TIMM21: variants seen among roughly 807,000 people sequenced by gnomAD.
The protein encoded by TIMM21 is mitochondrial import inner membrane translocase subunit Tim21.
In TIMM21, 30 loss-of-function variants were observed where a neutral mutation model predicts 27.7. That is an observed-to-expected ratio of 1.08 (90% confidence interval 0.81 to 1.47). The LOEUF is 1.47. TIMM21 is among the 40% of genes most tolerant of loss of function. The probability of loss-of-function intolerance (pLI) is 0.00; values close to 1 mark genes in which losing one functional copy is unlikely to be tolerated. For missense variants in TIMM21, 292 were observed against 302.9 expected (o/e 0.96, Z 0.27); for synonymous variants, 121 against 114.4 (o/e 1.06, Z -0.37).
Position 74,148,570 on chromosome 18 carries a change from G to C in TIMM21, c.-239G>C, listed in dbSNP as rs575993164. On this transcript the variant is annotated 5_prime_UTR_variant, in exon 1 of 6. Coordinates refer to ENST00000169551, the MANE Select transcript of TIMM21 (RefSeq NM_014177.3). ...CGGGGACACTGTGAATGTCAGCCCA[G>C]AAGGTGATCAGAGCCTGTTAATTAA... is the stretch of plus-strand genomic sequence containing the variant. 256 of 424,780 alleles carry C rather than the reference G, an allele frequency of 6.0e-4. 3 individuals carry two copies. The South Asian group carries it at 0.01, about 17-fold the overall frequency. 26.3% of individuals were successfully genotyped at this position (424,780 alleles called of 1,614,324 possible). A position where few individuals can be genotyped will look rare whatever the true frequency, so the allele number is the denominator to read the frequency against.
chr18:74,151,947 C>CCG (rs1555682330), intron 1 of TIMM21, among the ~76,000 whole-genome samples: 1 of 147,304 alleles, frequency 6.8e-6, no homozygotes, highest in Non-Finnish European at 1.5e-5. Context: ...TCCCCCCCCC[C>CCG]CCGGGGGGAC....
chr18:74,158,805 A>G lies in TIMM21; in HGVS notation c.*325A>G, dbSNP rs1299630293. The G allele has an allele frequency of 8.0e-6, 2 of 250,722 alleles. No individual in the cohort carries two copies. Among genetic ancestry groups the G allele is most frequent in the Non-Finnish European group, 1.5e-5 (2 of 129,596 alleles). 15.5% of individuals were successfully genotyped at this position (250,722 alleles called of 1,614,324 possible). A position where few individuals can be genotyped will look rare whatever the true frequency, so the allele number is the denominator to read the frequency against. The stretch of plus-strand genomic sequence containing the variant: ...GATTTTAGTATTGTATTCATTTTAT[A>G]TTATAGAACTGCATAATGTCTGCAG... On this transcript the variant is annotated 3_prime_UTR_variant, in exon 6 of 6. Coordinates refer to ENST00000169551, the MANE Select transcript of TIMM21 (RefSeq NM_014177.3).
rs77001522 is a variant in TIMM21, at chr18:74,152,544, G to T, written c.302-2601G>T. Among the ~76,000 whole-genome samples, 1 of 152,006 alleles carries T rather than the reference G, an allele frequency of 6.6e-6. No homozygotes were observed. Among genetic ancestry groups the T allele is most frequent in the Non-Finnish European group, 1.5e-5 (1 of 67,992 alleles). On this transcript the variant is annotated intron_variant, in intron 1 of 5. Coordinates refer to ENST00000169551, the MANE Select transcript of TIMM21 (RefSeq NM_014177.3). This position sits in a 1 kb window ranked among gnomAD's most constrained non-coding sequence, Gnocchi z 4.1. ...CACATCAGCCAGTACATTCCCTTCC[G>T]CCAGCATTCCATCCCAGGTCCCCAT...
In TIMM21 at chr18:74,158,497, G is replaced by C. The variant is rs1231564861; in HGVS notation, c.*17G>C. The C allele has an allele frequency of 2.0e-6, 3 of 1,494,948 alleles. No homozygotes were observed. The highest frequency in any genetic ancestry group is 2.8e-6 in the Non-Finnish European group (3 of 1,077,040). The allele number at this position is 1,494,948 out of a possible 1,614,324, so 92.6% of individuals were successfully genotyped here. On this transcript the variant is annotated 3_prime_UTR_variant, in exon 6 of 6. Transcript: ENST00000169551. ...GATGATTAAAATAGGGTTTCTGATG[G>C]ATGTTGAATGGCGTGGACTCGCTAC... is the stretch of plus-strand genomic sequence containing the variant.
Position 74,148,952 on chromosome 18 carries a change from A to G in TIMM21, c.144A>G (p.Gln48=), listed in dbSNP as rs1180336810. The G allele has an allele frequency of 1.9e-5, 31 of 1,614,066 alleles. No individual in the cohort carries two copies. Among genetic ancestry groups the G allele is most frequent in the Non-Finnish European group, 2.5e-5 (29 of 1,180,046 alleles). ...EPSLRCGLQY[Q]KKTLRPRCIL... Reference sequence around the variant, plus strand: ...GTTTGAGATGTGGGCTTCAATATCAAAAGAAAACGCTGCGACCTAGATGTA... The same window carrying G: ...GTTTGAGATGTGGGCTTCAATATCAGAAGAAAACGCTGCGACCTAGATGTA... The change falls in exon 1 of 6, where the codon CAA becomes CAG. Residue 48 remains glutamine, a synonymous_variant. Coordinates refer to ENST00000169551, the MANE Select transcript of TIMM21 (RefSeq NM_014177.3).
At chr18:74,150,401 T>C (rs1342760060) in intron 1 of TIMM21, among the ~76,000 whole-genome samples, 1 of 152,228 alleles carries the variant, frequency 6.6e-6, no homozygotes, top group East Asian at 1.9e-4. Context: ...ACTGAATTGA[T>C]TTAATTTTAA....
chr18:74,155,494 C>T, intron 3 of TIMM21, 91 bp downstream of exon 3: 1 of 1,022,518 alleles, frequency 9.8e-7, no homozygotes, highest in Non-Finnish European at 1.5e-6. Context: ...AACCAGTTCT[C>T]ACGCTAGTGA....
In TIMM21 at chr18:74,148,979, TC is replaced by T. The variant is rs1306274251; in HGVS notation, c.172del (p.Gly59GlufsTer43). Reference sequence around the variant, plus strand: ...AGAAAACGCTGCGACCTAGATGTATTCTTGGAGTCACCCAGAAAACCATCTG... The same window carrying T: ...AGAAAACGCTGCGACCTAGATGTATTTTGGAGTCACCCAGAAAACCATCTG... The part of the protein sequence containing the change: ...QKKTLRPRCI[L>X]GVTQKTIWTQ... On this transcript the variant is annotated frameshift_variant, in exon 1 of 6. Transcript: ENST00000169551. LOFTEE classifies it high-confidence loss of function. 6.2e-7 allele frequency: 1 copy of T among 1,614,174 alleles called. No homozygotes were observed. The highest frequency in any genetic ancestry group is 2.2e-5 in the East Asian group (1 of 44,886).
chr18:74,150,235 C>T (rs1179680926), intron 1 of TIMM21, among the ~76,000 whole-genome samples: 1 of 152,130 alleles, frequency 6.6e-6, no homozygotes, highest in Non-Finnish European at 1.5e-5. Flanking sequence ...ATATAGTAGA[C>T]AAATGTGATA....
rs77001522 is a variant in TIMM21, at chr18:74,152,544, G to A, written c.302-2601G>A. ...CACATCAGCCAGTACATTCCCTTCC[G>A]CCAGCATTCCATCCCAGGTCCCCAT... On this transcript the variant is annotated intron_variant, in intron 1 of 5. Transcript: ENST00000169551. This position sits in a 1 kb window ranked among gnomAD's most constrained non-coding sequence, Gnocchi z 4.1. 0.044 allele frequency among the ~76,000 whole-genome samples: 6,638 copies of A among 152,106 alleles called. 197 individuals are homozygous for A. Among genetic ancestry groups the A allele is most frequent in the Middle Eastern group, 0.12 (35 of 294 alleles).
At chr18:74,157,855 A>G in intron 3 of TIMM21, 159 bp from the exon 4 acceptor site, 1 of 738,766 alleles carries the variant, frequency 1.4e-6, no homozygotes, top group Non-Finnish European at 2.2e-6. Context: ...TTGGCCTCCC[A>G]GATTGCTGGG....
At chr18:74,155,549 T>A (rs1419488345) in intron 3 of TIMM21, 146 bp downstream of exon 3, 2 of 676,474 alleles carry the variant, frequency 3.0e-6, no homozygotes, top group Admixed American at 6.3e-5. Context: ...ATTACATTAT[T>A]AGGTCTTTGC....
At chr18:74,150,935 C>T (rs78905656) in intron 1 of TIMM21, among the ~76,000 whole-genome samples, 7,568 of 152,250 alleles carry the variant, frequency 0.05, 264 homozygotes, top group East Asian at 0.12. Context: ...TTTCCCACTG[C>T]GATGGCTCTT....
In TIMM21 at chr18:74,152,354, C is replaced by T. The variant is rs1979833017; in HGVS notation, c.302-2791C>T. Among the ~76,000 whole-genome samples the T allele has an allele frequency of 6.6e-6, 1 of 152,150 alleles. No homozygotes were observed. Among genetic ancestry groups the T allele is most frequent in the African/African-American group, 2.4e-5 (1 of 41,436 alleles). ...CCACGCATTTTCTATCCTCTGGGTG[C>T]AATTTGAGTCTTGTTCTGCCGGGGA... On this transcript the variant is annotated intron_variant, in intron 1 of 5. Transcript: ENST00000169551. This position sits in a 1 kb window ranked among gnomAD's most constrained non-coding sequence, Gnocchi z 4.1.
intron 1 of TIMM21, among the ~76,000 whole-genome samples, chr18:74,154,155 A>G (rs1979883614): frequency 6.6e-6 from 1 of 152,238 alleles, no homozygotes; most frequent in Non-Finnish European, 1.5e-5. Flanking sequence ...TCGGGAATCT[A>G]GGGTGATTGG....
chr18:74,153,075 C>T (rs573362464), intron 1 of TIMM21, among the ~76,000 whole-genome samples: 182 of 152,274 alleles, frequency 1.2e-3, no homozygotes, highest in African/African-American at 4.1e-3. Context: ...CAGCTGGGAG[C>T]CCCATACCAC....
chr18:74,148,648 T>G lies in TIMM21; in HGVS notation c.-161T>G. The stretch of plus-strand genomic sequence containing the variant: ...GACATCAGGTTCTCCCTGGAGACTT[T>G]TCGTTTTCATTTACGCTGCGGAAAC... On this transcript the variant is annotated 5_prime_UTR_variant, in exon 1 of 6. Transcript: ENST00000169551. The G allele has an allele frequency of 1.5e-6, 1 of 663,330 alleles. No homozygotes were observed. The highest frequency in any genetic ancestry group is 2.2e-5 in the South Asian group (1 of 46,470). The allele number at this position is 663,330 out of a possible 1,614,324, so 41.1% of individuals were successfully genotyped here. A position where few individuals can be genotyped will look rare whatever the true frequency, so the allele number is the denominator to read the frequency against.
Position 74,158,749 on chromosome 18 carries a change from G to T in TIMM21, c.*269G>T. 1 of 340,502 alleles carries T rather than the reference G, an allele frequency of 2.9e-6. No individual in the cohort carries two copies. Among genetic ancestry groups the T allele is most frequent in the South Asian group, 3.3e-5 (1 of 30,440 alleles). The allele number at this position is 340,502 out of a possible 1,614,324, so 21.1% of individuals were successfully genotyped here. A position where few individuals can be genotyped will look rare whatever the true frequency, so the allele number is the denominator to read the frequency against. ...TCATGATTAGAAATGTTTGTTATTG[G>T]AAATGTTACACCATGTAAATAAAGG... is the stretch of plus-strand genomic sequence containing the variant. On this transcript the variant is annotated 3_prime_UTR_variant, in exon 6 of 6. Coordinates refer to ENST00000169551, the MANE Select transcript of TIMM21 (RefSeq NM_014177.3).
chr18:74,158,443 C>G lies in TIMM21; in HGVS notation c.710C>G (p.Thr237Ser). The change falls in exon 6 of 6, where the codon ACT (threonine) becomes AGT (serine). Residue 237 changes from threonine to serine, a missense_variant. Thr to Ser is a moderately conservative substitution (Grantham distance 58, BLOSUM62 1). Coordinates refer to ENST00000169551, the MANE Select transcript of TIMM21 (RefSeq NM_014177.3). ...GAAATTGAATCTTATCCTAGAAGAA[C>G]TATTATCATTGAAGATAATCGATCC... Reference protein sequence around the residue: ...FVEIESYPRRTIIIEDNRSQD... With the variant: ...FVEIESYPRRSIIIEDNRSQD... 1 of 1,600,748 alleles carries G rather than the reference C, an allele frequency of 6.2e-7. No homozygotes were observed. Among genetic ancestry groups the G allele is most frequent in the East Asian group, 2.2e-5 (1 of 44,806 alleles).
Sources: allele counts gnomAD v4.1 joint callset (sites outside exome capture counted in the v4.1 genomes callset), GRCh38; gene constraint gnomAD v4.1.1; non-coding constraint Gnocchi (gnomAD v3.1); transcripts MANE v1.5; gene names NCBI Gene and HGNC (gene_info 2026-07-23, HGNC 2026-07-21).